MGAT4C: variants seen among roughly 807,000 people sequenced by gnomAD.
MGAT4C encodes MGAT4 family member C.
In MGAT4C, 19 loss-of-function variants were observed where a neutral mutation model predicts 40.1. The ratio of observed to expected loss-of-function variants is 0.47; its 90% CI spans 0.33 to 0.70. The LOEUF (loss-of-function observed/expected upper bound fraction) is 0.70, where lower values mean the gene tolerates loss of function less well. MGAT4C is among the 30% of genes least tolerant of loss of function. The pLI, the probability that MGAT4C is intolerant of heterozygous loss-of-function variation, is 0.02. For synonymous variants in MGAT4C, 181 were observed against 187.1 expected (o/e 0.97, Z 0.27); for missense variants, 491 against 563.2 (o/e 0.87, Z 1.30).
chr12:86,154,131 TC>T (rs1884632558), intron 1 of MGAT4C, among the ~76,000 whole-genome samples: 1 of 152,172 alleles, frequency 6.6e-6, no homozygotes, highest in East Asian at 1.9e-4. Context: ...ATTCCAAAGT[TC>T]ATTACCATGA....
intron 1 of MGAT4C, among the ~76,000 whole-genome samples, chr12:86,747,677 T>G (rs1337501514): frequency 6.6e-6 from 1 of 151,668 alleles, no homozygotes; most frequent in Non-Finnish European, 1.5e-5. Flanking sequence ...ATAGAGCTAC[T>G]TGGCATTCTA....
rs377087321 is a variant in MGAT4C at position 86,041,702 on chromosome 12, C to T, written c.-7+7972G>A. ...TGATTCTGTGGTTAGTGTGATTTTGCTTTTTTAGATTTTCCTGATAATTGT... is the reference window on the plus strand; with the variant it reads ...TGATTCTGTGGTTAGTGTGATTTTGTTTTTTTAGATTTTCCTGATAATTGT... On this transcript the variant is annotated intron_variant, in intron 2 of 4. Coordinates refer to ENST00000611864, the MANE Select transcript of MGAT4C (RefSeq NM_001351288.2). Among the ~76,000 whole-genome samples, 12 of 152,156 alleles carry T rather than the reference C, an allele frequency of 7.9e-5. No homozygotes were observed. The East Asian group carries it at 2.1e-3, about 27-fold the overall frequency.
chr12:86,679,685 T>G (rs550038801), intron 2 of MGAT4C, among the ~76,000 whole-genome samples: 1 of 152,192 alleles, frequency 6.6e-6, no homozygotes, highest in South Asian at 2.1e-4. Flanking sequence ...ATCTAGCTCC[T>G]TCTACCATGT....
chr12:86,792,043 G>A (rs1408437098), intron 1 of MGAT4C, among the ~76,000 whole-genome samples: 1 of 152,120 alleles, frequency 6.6e-6, no homozygotes, highest in Non-Finnish European at 1.5e-5. Context: ...TGTACTTACA[G>A]GTGTACAACG....
At chr12:86,572,838 T>C (rs992186065) in intron 2 of MGAT4C, among the ~76,000 whole-genome samples, 16 of 152,008 alleles carry the variant, frequency 1.1e-4, no homozygotes, top group South Asian at 4.1e-4. Flanking sequence ...TCTCTCTCTC[T>C]CTCTGTCTCA....
intron 2 of MGAT4C, among the ~76,000 whole-genome samples, chr12:86,651,265 A>G (rs1963687874): frequency 6.6e-6 from 1 of 151,900 alleles, no homozygotes; most frequent in Non-Finnish European, 1.5e-5. Flanking sequence ...TATTAGGGTA[A>G]TTGAAGCCTG....
In MGAT4C at chr12:86,713,194, T is replaced by G. The variant is rs1273037561; in HGVS notation, c.-229+14015A>C. The stretch of plus-strand genomic sequence containing the variant: ...ACAGTGTTACTGTTAACTTGTGTCT[T>G]CTTATGTATAACAGATGGTTTACAT... On this transcript the variant is annotated intron_variant, in intron 2 of 7. Coordinates refer to the MGAT4C transcript ENST00000548651. Among the ~76,000 whole-genome samples, 3 of 152,148 alleles carry G rather than the reference T, an allele frequency of 2.0e-5. No homozygotes were observed. In the East Asian group the frequency reaches 5.8e-4, roughly 29 times the overall value.
At chr12:86,021,849 A>G (rs909871438) in intron 2 of MGAT4C, among the ~76,000 whole-genome samples, 1 of 152,196 alleles carries the variant, frequency 6.6e-6, no homozygotes, top group African/African-American at 2.4e-5. Context: ...TATTGTCTCA[A>G]TAATATTGCC....
chr12:86,727,198 A>G (rs961131562), intron 2 of MGAT4C: 1 of 152,170 alleles, frequency 6.6e-6, no homozygotes, highest in Non-Finnish European at 1.5e-5. Context: ...AAAATAGTAT[A>G]TAGTACTTAC....
intron 1 of MGAT4C, among the ~76,000 whole-genome samples, chr12:86,799,686 G>A (rs578043346): frequency 4.0e-5 from 6 of 151,724 alleles, no homozygotes; most frequent in African/African-American, 7.3e-5. Context: ...ATGTAGATAC[G>A]TGATTGTTAA....
At chr12:86,810,947 GCT>G (rs987004026) in intron 1 of MGAT4C, among the ~76,000 whole-genome samples, 2 of 149,946 alleles carry the variant, frequency 1.3e-5, no homozygotes, top group African/African-American at 4.9e-5. Flanking sequence ...CCTGCTTTTT[GCT>G]CTGAGTTTAA....
At chr12:86,343,452 A>G (rs1954944815) in intron 3 of MGAT4C, among the ~76,000 whole-genome samples, 1 of 152,108 alleles carries the variant, frequency 6.6e-6, no homozygotes, top group Non-Finnish European at 1.5e-5. Context: ...GCATCCTAAA[A>G]CTGTTTTTTT....
At chr12:86,150,858 GTGA>G (rs1884180597) in intron 1 of MGAT4C, among the ~76,000 whole-genome samples, 1 of 152,186 alleles carries the variant, frequency 6.6e-6, no homozygotes, top group Admixed American at 6.5e-5. Flanking sequence ...GAGTCTCATG[GTGA>G]TGTATGTAAT....
At chr12:86,501,910 C>T (rs1958350872) in intron 2 of MGAT4C, among the ~76,000 whole-genome samples, 1 of 152,046 alleles carries the variant, frequency 6.6e-6, no homozygotes, top group Non-Finnish European at 1.5e-5. Context: ...CGAGGAATTG[C>T]CACACTGTCT....
At chr12:86,189,041 T>C (rs1031161489) in intron 1 of MGAT4C, among the ~76,000 whole-genome samples, 1 of 151,962 alleles carries the variant, frequency 6.6e-6, no homozygotes, top group Admixed American at 6.6e-5. Flanking sequence ...ATTGATGACT[T>C]TCTCTGTAAA....
chr12:86,605,681 G>A (rs1962017527), intron 2 of MGAT4C, among the ~76,000 whole-genome samples: 2 of 152,134 alleles, frequency 1.3e-5, no homozygotes, highest in Non-Finnish European at 2.9e-5. Flanking sequence ...ACTTCTGGAA[G>A]CTCTGACCAC....
chr12:86,584,413 A>C (rs1032328428), intron 2 of MGAT4C, among the ~76,000 whole-genome samples: 2 of 151,210 alleles, frequency 1.3e-5, no homozygotes, highest in East Asian at 3.9e-4. Flanking sequence ...AGTTAATTAC[A>C]AGTTTTCCTA....
intron 2 of MGAT4C, among the ~76,000 whole-genome samples, chr12:86,563,467 A>T (rs1440404234): frequency 6.6e-6 from 1 of 152,198 alleles, no homozygotes; most frequent in African/African-American, 2.4e-5. Context: ...TGGACCAAAG[A>T]CTAATTTGAA....
Position 86,619,897 on chromosome 12 carries a change from C to A in MGAT4C, c.-229+107312G>T, listed in dbSNP as rs528952754. Among the ~76,000 whole-genome samples the A allele has an allele frequency of 1.1e-4, 17 of 152,208 alleles. No individual in the cohort carries two copies. In the South Asian group the frequency reaches 3.3e-3, roughly 30 times the overall value. ...TTAAGGGAAAAAACCTTGTAAAAAT[C>A]CTCTGATAGTTACTTTAGAATAAAC... On this transcript the variant is annotated intron_variant, in intron 2 of 7. Coordinates refer to the MGAT4C transcript ENST00000548651.
Sources: gnomAD v4.1 joint callset for allele counts (sites outside exome capture counted in the v4.1 genomes callset) on GRCh38, gnomAD v4.1.1 for gene constraint, MANE v1.5 for transcripts, NCBI Gene and HGNC (gene_info 2026-07-23, HGNC 2026-07-21) for gene names.